Variants in VTI1A observed in about 807,000 individuals in gnomAD.
The protein encoded by VTI1A is vesicle transport through interaction with t-SNAREs homolog 1A.
Under a neutral mutation model 34.9 loss-of-function variants are expected in VTI1A, and 22 were observed. The ratio of observed to expected loss-of-function variants is 0.63; its 90% CI spans 0.45 to 0.90. The LOEUF is 0.90. VTI1A is among the 40% of genes least tolerant of loss of function. VTI1A has a pLI of 0.00. For missense variants in VTI1A, 268 were observed against 275.6 expected (o/e 0.97, Z 0.20); for synonymous variants, 87 against 97.3 (o/e 0.89, Z 0.62).
At chr10:112,800,952 A>T (rs1479939925) in intron 7 of VTI1A, among the ~76,000 whole-genome samples, 1 of 152,192 alleles carries the variant, frequency 6.6e-6, no homozygotes, top group East Asian at 1.9e-4. Flanking sequence ...CTAGATTCGA[A>T]TCCAAGCAGT....
At chr10:112,449,751 C>CAATA (rs1457010629) in intron 1 of VTI1A, 1 of 151,862 alleles carries the variant, frequency 6.6e-6, no homozygotes, top group African/African-American at 2.4e-5. Flanking sequence ...GAAACTGTCT[C>CAATA]AATAAATAAA....
chr10:112,552,059 A>C (rs1417854368), intron 5 of VTI1A, among the ~76,000 whole-genome samples: 1 of 152,234 alleles, frequency 6.6e-6, no homozygotes, highest in Non-Finnish European at 1.5e-5. Flanking sequence ...TAATGCTTTA[A>C]ATCATAAATG....
the VTI1A span, among the ~76,000 whole-genome samples, chr10:112,846,156 T>G: frequency 1.3e-5 from 2 of 152,234 alleles, no homozygotes; most frequent in South Asian, 4.1e-4. Context: ...TCATCTTCCA[T>G]CCTGTTCACC....
intron 3 of VTI1A, 126 bp from the exon 4 acceptor site, chr10:112,526,960 AT>A: frequency 1.3e-6 from 1 of 748,978 alleles, no homozygotes; most frequent in South Asian, 2.0e-5. Flanking sequence ...TGGTGTGCAG[AT>A]TGTAGCCAAT....
chr10:112,728,866 T>A (rs541482745), intron 7 of VTI1A, among the ~76,000 whole-genome samples: 4 of 152,256 alleles, frequency 2.6e-5, no homozygotes, highest in East Asian at 3.9e-4. Flanking sequence ...GATTTTTTTT[T>A]AATCTGCACA....
chr10:112,528,298 A>G (rs973642636), intron 4 of VTI1A, among the ~76,000 whole-genome samples: 2 of 152,188 alleles, frequency 1.3e-5, no homozygotes, highest in African/African-American at 4.8e-5. Context: ...AATCTGTAAC[A>G]GGGATGTTGT....
At chr10:112,567,030 G>T (rs1188023578) in intron 5 of VTI1A, among the ~76,000 whole-genome samples, 2 of 151,986 alleles carry the variant, frequency 1.3e-5, no homozygotes, top group African/African-American at 4.8e-5. Context: ...CACTTCAGAT[G>T]CTATAATGTA....
intron 5 of VTI1A, among the ~76,000 whole-genome samples, chr10:112,632,631 G>T (rs1369995708): frequency 1.3e-5 from 2 of 152,202 alleles, no homozygotes; most frequent in African/African-American, 4.8e-5. Flanking sequence ...TTGACCCAAA[G>T]TTGAGGTACA....
chr10:112,667,627 C>G (rs954094544), intron 5 of VTI1A, among the ~76,000 whole-genome samples: 2 of 152,184 alleles, frequency 1.3e-5, no homozygotes, highest in Non-Finnish European at 2.9e-5. Flanking sequence ...AGAAGAAATG[C>G]ACCTCACCTT....
chr10:112,737,284 A>C, intron 7 of VTI1A: 1 of 964,676 alleles, frequency 1.0e-6, no homozygotes. Flanking sequence ...GAGTTTCACC[A>C]TGTTGGCCAG....
chr10:112,771,152 C>G (rs1350360125), intron 7 of VTI1A, among the ~76,000 whole-genome samples: 1 of 152,172 alleles, frequency 6.6e-6, no homozygotes, highest in Non-Finnish European at 1.5e-5. Flanking sequence ...GGGTTCAAAC[C>G]CAGGCACTGC....
At chr10:112,844,772 T>G in the VTI1A span, among the ~76,000 whole-genome samples, 1 of 152,208 alleles carries the variant, frequency 6.6e-6, no homozygotes, top group Non-Finnish European at 1.5e-5. Flanking sequence ...AGTTGAGAGA[T>G]ATTCACCCTT....
chr10:112,765,239 C>T (rs1003772604), intron 7 of VTI1A, among the ~76,000 whole-genome samples: 1 of 150,552 alleles, frequency 6.6e-6, no homozygotes, highest in Non-Finnish European at 1.5e-5. Context: ...GACGGAGTCT[C>T]GCTCTGTCAC....
intron 7 of VTI1A, among the ~76,000 whole-genome samples, chr10:112,758,997 A>G (rs942714476): frequency 7.9e-5 from 12 of 152,144 alleles, no homozygotes; most frequent in Non-Finnish European, 1.6e-4. Context: ...GAGTTCACCA[A>G]TGACACCCTG....
At chr10:112,799,968 G>A (rs1852820358) in intron 7 of VTI1A, among the ~76,000 whole-genome samples, 1 of 152,128 alleles carries the variant, frequency 6.6e-6, no homozygotes, top group African/African-American at 2.4e-5. Context: ...GAGAGAGAGA[G>A]AGAGAGTTCT....
chr10:112,575,090 C>T (rs1852282318), intron 5 of VTI1A, among the ~76,000 whole-genome samples: 2 of 152,240 alleles, frequency 1.3e-5, no homozygotes, highest in South Asian at 4.1e-4. Flanking sequence ...GCTTCACTAG[C>T]ATGCAATTTC....
intron 7 of VTI1A, among the ~76,000 whole-genome samples, chr10:112,790,647 A>T (rs1387547213): frequency 2.6e-5 from 4 of 152,176 alleles, no homozygotes; most frequent in Non-Finnish European, 5.9e-5. Flanking sequence ...CATTCTAGCC[A>T]ACTAAGCTAA....
intron 5 of VTI1A, among the ~76,000 whole-genome samples, chr10:112,545,986 GTATA>G (rs985178992): frequency 7.0e-6 from 1 of 143,132 alleles, no homozygotes; most frequent in African/African-American, 2.9e-5. Flanking sequence ...GTATGTGTGT[GTATA>G]TACGTGTATA....
At chr10:112,528,835 C>T (rs935059024) in intron 4 of VTI1A, among the ~76,000 whole-genome samples, 1 of 152,076 alleles carries the variant, frequency 6.6e-6, no homozygotes, top group Non-Finnish European at 1.5e-5. Flanking sequence ...ACTCCTTTAT[C>T]GTAATGGATG....
Sources: allele counts gnomAD v4.1 joint callset (sites outside exome capture counted in the v4.1 genomes callset), GRCh38; gene constraint gnomAD v4.1.1; transcripts MANE v1.5; gene names NCBI Gene and HGNC (gene_info 2026-07-23, HGNC 2026-07-21).